Variants in TRIM17 observed in about 807,000 individuals in gnomAD.
TRIM17 encodes the protein E3 ubiquitin-protein ligase TRIM17.
Under a neutral mutation model 35.8 loss-of-function variants are expected in TRIM17, and 27 were observed. The observed-to-expected ratio is 0.75, with a 90% CI of 0.56 to 1.04. The LOEUF (loss-of-function observed/expected upper bound fraction) is 1.04, where lower values mean the gene tolerates loss of function less well. TRIM17 is among the 50% of genes least tolerant of loss of function. TRIM17 has a pLI of 0.00. For synonymous variants in TRIM17, 246 were observed against 252.6 expected (o/e 0.97, Z 0.25); for missense variants, 582 against 612.8 (o/e 0.95, Z 0.53).
At chr1:228,416,261 G>A (rs1051364003) in intron 1 of TRIM17, 8 of 887,242 alleles carry the variant, frequency 9.0e-6, no homozygotes, top group Non-Finnish European at 1.1e-5. Flanking sequence ...GAGCCCTAAC[G>A]GAGGCACCCA....
intron 3 of TRIM17, among the ~76,000 whole-genome samples, chr1:228,412,498 C>T (rs917252233): frequency 4.4e-4 from 65 of 147,904 alleles, no homozygotes; most frequent in African/African-American, 1.0e-3. Context: ...CAGTGGCTAA[C>T]GCCTGTAATC....
In TRIM17 at chr1:228,415,093, C is replaced by T. The variant is rs761894895; in HGVS notation, c.-21G>A. On this transcript the variant is annotated 5_prime_UTR_variant, in exon 2 of 7. Coordinates refer to ENST00000366698, the MANE Select transcript of TRIM17 (RefSeq NM_016102.4). ...TCCATGGCTCCTGGGAGACACGAGGCAGGTTCCCGCTTGAGGGACTCTGGA... is the reference window on the plus strand; with the variant it reads ...TCCATGGCTCCTGGGAGACACGAGGTAGGTTCCCGCTTGAGGGACTCTGGA... 28 of 1,586,160 alleles carry T rather than the reference C, an allele frequency of 1.8e-5. No individual in the cohort carries two copies. The highest frequency in any genetic ancestry group is 4.0e-5 in the African/African-American group (3 of 74,388).
chr1:228,415,345 G>C (rs557026062), intron 1 of TRIM17: 45 of 400,764 alleles, frequency 1.1e-4, no homozygotes, highest in African/African-American at 8.2e-4. Context: ...ACTGGGCCTG[G>C]ACCCTACCCG....
At chr1:228,412,115 T>C (rs1656814662) in intron 3 of TRIM17, among the ~76,000 whole-genome samples, 2 of 152,190 alleles carry the variant, frequency 1.3e-5, no homozygotes, top group Non-Finnish European at 2.9e-5. Flanking sequence ...ACTGGCTCTT[T>C]ATAGATAATA....
intron 1 of TRIM17, 23 bp downstream of exon 1, chr1:228,416,516 G>A (rs1349383546): frequency 1.0e-6 from 1 of 985,570 alleles, no homozygotes; most frequent in African/African-American, 1.7e-5. Flanking sequence ...GGTAGCCTAG[G>A]CGGCGGGGTG....
At chr1:228,409,359 C>T (rs997477490) in intron 5 of TRIM17, 30 bp downstream of exon 5, 15 of 1,588,422 alleles carry the variant, frequency 9.4e-6, no homozygotes, top group Non-Finnish European at 1.3e-5. Context: ...GCTGCCACTG[C>T]CCCCGCCCCT....
In TRIM17 at chr1:228,409,428, C is replaced by T. The variant is rs775040698; in HGVS notation, c.757-17G>A. The T allele has an allele frequency of 3.2e-5, 48 of 1,508,814 alleles. No homozygotes were observed. The highest frequency in any genetic ancestry group is 7.0e-5 in the East Asian group (3 of 42,742). The allele number at this position is 1,508,814 out of a possible 1,614,324, so 93.5% of individuals were successfully genotyped here. Reference sequence around the variant, plus strand: ...CTTCATGTCCTGCAAAAGACAGGGACGGAGGGTGGGGAGTGAGCCAAGCTC... The same window carrying T: ...CTTCATGTCCTGCAAAAGACAGGGATGGAGGGTGGGGAGTGAGCCAAGCTC... On this transcript the variant is annotated splice_polypyrimidine_tract_variant and intron_variant, in intron 4 of 6. Coordinates refer to ENST00000366698, the MANE Select transcript of TRIM17 (RefSeq NM_016102.4).
chr1:228,410,849 C>T lies in TRIM17; in HGVS notation c.756+97G>A. ...GACTAGCAGACTGGGAGCTAACAGC[C>T]CTTTCCCGTTGGCTGCCTCTTCCCC... is the stretch of plus-strand genomic sequence containing the variant. On this transcript the variant is annotated intron_variant, in intron 4 of 6. Coordinates refer to ENST00000366698, the MANE Select transcript of TRIM17 (RefSeq NM_016102.4). This position sits in a 1 kb window ranked among gnomAD's most constrained non-coding sequence, Gnocchi z 4.6. The T allele has an allele frequency of 1.2e-6, 1 of 865,234 alleles. No homozygotes were observed. The highest frequency in any genetic ancestry group is 1.7e-6 in the Non-Finnish European group (1 of 582,826). 53.6% of individuals were successfully genotyped at this position (865,234 alleles called of 1,614,324 possible).
Position 228,411,159 on chromosome 1 carries a change from C to G in TRIM17, c.543G>C (p.Arg181=). The G allele has an allele frequency of 6.2e-7, 1 of 1,611,578 alleles. No individual in the cohort carries two copies. The highest frequency in any genetic ancestry group is 1.1e-5 in the South Asian group (1 of 90,504). Residue 181 remains arginine, a synonymous_variant, in exon 4 of 7, where the codon CGG becomes CGC. Coordinates refer to ENST00000366698, the MANE Select transcript of TRIM17 (RefSeq NM_016102.4). The surrounding 1 kb of genome is among the most constrained non-coding windows in gnomAD (Gnocchi z 4.2). ...LAEWQGKVKE[R]RERIVLEFEK... The stretch of plus-strand genomic sequence containing the variant: ...CAAACTCCAGCACAATGCGTTCTCT[C>G]CGCTCCTTCACCTTGCCCTGCAGGA...
At chr1:228,416,475 G>C (rs1249592020) in intron 1 of TRIM17, 64 bp downstream of exon 1, 39 of 986,068 alleles carry the variant, frequency 4.0e-5, no homozygotes, top group Non-Finnish European at 4.7e-5. Flanking sequence ...GACCGGGTTA[G>C]GCTTAGGTCG....
In TRIM17 at chr1:228,414,397, C is replaced by T. The variant is rs1167738346; in HGVS notation, c.429+247G>A. Among the ~76,000 whole-genome samples, 3 of 152,236 alleles carry T rather than the reference C, an allele frequency of 2.0e-5. No individual in the cohort carries two copies. The East Asian group carries it at 5.8e-4, about 29-fold the overall frequency. ...CAAATCAGTTTGGTTCTCAGAGCCACCCAAAATACTCTGAGAGGAGAGGTA... is the reference window on the plus strand; with the variant it reads ...CAAATCAGTTTGGTTCTCAGAGCCATCCAAAATACTCTGAGAGGAGAGGTA... On this transcript the variant is annotated intron_variant, in intron 2 of 6. Transcript: ENST00000366698.
chr1:228,415,589 A>T (rs1657065150), intron 1 of TRIM17: 1 of 153,476 alleles, frequency 6.5e-6, no homozygotes, highest in East Asian at 1.9e-4. Context: ...TGCTGGCGCA[A>T]CTCTCCCATT....
chr1:228,413,947 C>A, intron 2 of TRIM17, 55 bp from the exon 3 acceptor site: 1 of 1,466,690 alleles, frequency 6.8e-7, no homozygotes, highest in South Asian at 1.1e-5. Context: ...TACCTCCTGC[C>A]TAGAGTCCAG....
At position 228,411,197 on chromosome 1, in the gene TRIM17, A is replaced by G. The variant is rs1409824740; in HGVS notation, c.526-21T>C. 1 of 1,575,644 alleles carries G rather than the reference A, an allele frequency of 6.3e-7. No individual in the cohort carries two copies. The highest frequency in any genetic ancestry group is 8.6e-7 in the Non-Finnish European group (1 of 1,157,668). On this transcript the variant is annotated intron_variant, in intron 3 of 6. Transcript: ENST00000366698. This position sits in a 1 kb window ranked among gnomAD's most constrained non-coding sequence, Gnocchi z 4.2. The stretch of plus-strand genomic sequence containing the variant: ...TTGCCCTGCAGGAGTGGAGAAGCCC[A>G]GCATGTTGCCAGCAGGTGGCTCAGC...
In TRIM17 at chr1:228,408,553, C is replaced by T. The variant is rs1043090792; in HGVS notation, c.1082G>A (p.Gly361Glu). The T allele has an allele frequency of 1.5e-5, 25 of 1,614,122 alleles. No homozygotes were observed. Among genetic ancestry groups the T allele is most frequent in the Non-Finnish European group, 1.9e-5 (23 of 1,180,020 alleles). Residue 361 changes from glycine to glutamate, a missense_variant, in exon 7 of 7, where the codon GGG becomes GAG. By Grantham distance (98) the Gly-to-Glu change is moderately conservative (BLOSUM62 -2). Coordinates refer to ENST00000366698, the MANE Select transcript of TRIM17 (RefSeq NM_016102.4). This position sits in a 1 kb window ranked among gnomAD's most constrained non-coding sequence, Gnocchi z 6.3. ...HYWEVGMNITGDALWALGVCR... is the reference protein window; with the variant it reads ...HYWEVGMNITEDALWALGVCR... The stretch of plus-strand genomic sequence containing the variant: ...CACACCCAGGGCCCACAACGCGTCC[C>T]CGGTGATGTTCATGCCCACCTCCCA...
chr1:228,410,877 G>T lies in TRIM17; in HGVS notation c.756+69C>A. On this transcript the variant is annotated intron_variant, in intron 4 of 6. Transcript: ENST00000366698. This position sits in a 1 kb window ranked among gnomAD's most constrained non-coding sequence, Gnocchi z 4.6. Reference sequence around the variant, plus strand: ...TTCCCGTTGGCTGCCTCTTCCCCAAGCCCAGCGCCCCCTGCCCATGCCTGT... The same window carrying T: ...TTCCCGTTGGCTGCCTCTTCCCCAATCCCAGCGCCCCCTGCCCATGCCTGT... 1 of 1,176,660 alleles carries T rather than the reference G, an allele frequency of 8.5e-7. No individual in the cohort carries two copies. Among genetic ancestry groups the T allele is most frequent in the Non-Finnish European group, 1.2e-6 (1 of 864,882 alleles). The allele number at this position is 1,176,660 out of a possible 1,614,324, so 72.9% of individuals were successfully genotyped here.
chr1:228,409,649 G>A (rs139872352), intron 4 of TRIM17: 7 of 464,028 alleles, frequency 1.5e-5, no homozygotes, highest in East Asian at 1.0e-4. Context: ...ACGGCCACAC[G>A]CCTGAGGTCC....
Position 228,410,861 on chromosome 1 carries a change from G to C in TRIM17, c.756+85C>G. Reference sequence around the variant, plus strand: ...GGGAGCTAACAGCCCTTTCCCGTTGGCTGCCTCTTCCCCAAGCCCAGCGCC... The same window carrying C: ...GGGAGCTAACAGCCCTTTCCCGTTGCCTGCCTCTTCCCCAAGCCCAGCGCC... On this transcript the variant is annotated intron_variant, in intron 4 of 6. Transcript: ENST00000366698. The surrounding 1 kb of genome is among the most constrained non-coding windows in gnomAD (Gnocchi z 4.6). The C allele has an allele frequency of 1.0e-6, 1 of 1,001,926 alleles. No homozygotes were observed. The highest frequency in any genetic ancestry group is 1.4e-6 in the Non-Finnish European group (1 of 708,370). The allele number at this position is 1,001,926 out of a possible 1,614,324, so 62.1% of individuals were successfully genotyped here.
rs1656578135 is a variant in TRIM17, at chr1:228,408,566, T to C, written c.1069A>G (p.Met357Val). The change falls in exon 7 of 7, where the codon ATG (methionine) becomes GTG (valine). Residue 357 changes from methionine (M) to valine (V), a missense_variant. By Grantham distance (21) the Met-to-Val change is conservative. Transcript: ENST00000366698. The surrounding 1 kb of genome is among the most constrained non-coding windows in gnomAD (Gnocchi z 6.3). Reference protein sequence around the residue: ...SSGRHYWEVGMNITGDALWAL... With the variant: ...SSGRHYWEVGVNITGDALWAL... ...CACAACGCGTCCCCGGTGATGTTCA[T>C]GCCCACCTCCCAGTAGTGCCTCCCA... is the stretch of plus-strand genomic sequence containing the variant. 1.2e-6 allele frequency: 2 copies of C among 1,614,064 alleles called. No individual in the cohort carries two copies. The highest frequency in any genetic ancestry group is 2.7e-5 in the African/African-American group (2 of 75,028).
Sources: gnomAD v4.1 joint callset for allele counts (sites outside exome capture counted in the v4.1 genomes callset) on GRCh38, gnomAD v4.1.1 for gene constraint, Gnocchi (gnomAD v3.1) non-coding constraint, MANE v1.5 for transcripts, NCBI Gene and HGNC (gene_info 2026-07-23, HGNC 2026-07-21) for gene names.